Variants in GALNT13 observed in about 807,000 individuals in gnomAD.
GALNT13 encodes UDP-GalNAc:polypeptide N-acetylgalactosaminyltransferase 13.
GALNT13 carries 28 observed loss-of-function variants against 64.2 expected under a neutral mutation model. That is an observed-to-expected ratio of 0.44 (90% CI 0.32 to 0.60). GALNT13 has a LOEUF of 0.60. GALNT13 is among the 20% of genes least tolerant of loss of function. The pLI, the probability that GALNT13 is intolerant of heterozygous loss-of-function variation, is 0.05. For synonymous variants in GALNT13, 214 were observed against 224.6 expected, an observed-to-expected ratio of 0.95 and a Z score of 0.42; for missense variants, 577 against 669.8, an observed-to-expected ratio of 0.86 and a Z score of 1.53.
intron 7 of GALNT13, among the ~76,000 whole-genome samples, chr2:154,254,202 A>G (rs544276207): frequency 6.6e-6 from 1 of 152,300 alleles, no homozygotes; most frequent in Non-Finnish European, 1.5e-5. Flanking sequence ...CAAAAATGTA[A>G]AGCATTTACC....
Position 154,140,344 on chromosome 2 carries a change from T to G in GALNT13, c.150T>G (p.Ile50Met), listed in dbSNP as rs1258795166. ...TCTCTGTATGTCTTACAGCTGTTAT[T>G]TCAAGAAACCAAGAAGGGCCAGGAG... The part of the protein sequence containing the change: ...RSLLPALRAV[I>M]SRNQEGPGEM... The change falls in exon 4 of 13, where the codon ATT becomes ATG. Residue 50 changes from isoleucine to methionine, a missense_variant. Coordinates refer to ENST00000392825, the MANE Select transcript of GALNT13 (RefSeq NM_052917.4). The G allele has an allele frequency of 1.2e-6, 2 of 1,612,080 alleles. No homozygotes were observed. The highest frequency in any genetic ancestry group is 1.7e-6 in the Non-Finnish European group (2 of 1,178,518).
At chr2:153,885,922 G>A (rs1274965577) in intron 1 of GALNT13, among the ~76,000 whole-genome samples, 4 of 151,956 alleles carry the variant, frequency 2.6e-5, no homozygotes, top group Non-Finnish European at 5.9e-5. Flanking sequence ...ATATGTTCAT[G>A]CTTTAGCATT....
chr2:154,163,749 T>C (rs947128438), intron 4 of GALNT13, among the ~76,000 whole-genome samples: 12 of 152,192 alleles, frequency 7.9e-5, no homozygotes, highest in South Asian at 2.1e-4. Flanking sequence ...GGGAAGTTAG[T>C]AGAAATGGTG....
intron 9 of GALNT13, among the ~76,000 whole-genome samples, chr2:154,384,217 A>AT: frequency 1.3e-5 from 2 of 152,074 alleles, no homozygotes; most frequent in South Asian, 4.1e-4. Flanking sequence ...TTGGTTAAAT[A>AT]TAGAAAATAC....
intron 4 of GALNT13, among the ~76,000 whole-genome samples, chr2:154,192,436 C>G (rs1559016193): frequency 6.6e-6 from 1 of 152,144 alleles, no homozygotes; most frequent in South Asian, 2.1e-4. Flanking sequence ...TTCCCTGCCC[C>G]ACTCCTGTAT....
intron 4 of GALNT13, among the ~76,000 whole-genome samples, chr2:154,195,668 T>A (rs1391909204): frequency 1.3e-5 from 2 of 152,120 alleles, no homozygotes; most frequent in Admixed American, 6.6e-5. Flanking sequence ...ATATAGGAGC[T>A]CAGAGCTTCT....
chr2:153,175,014 GGTGTTT>G, the GALNT13 span, among the ~76,000 whole-genome samples: 1 of 151,894 alleles, frequency 6.6e-6, no homozygotes, highest in Non-Finnish European at 1.5e-5. Context: ...GATTACTCTG[GGTGTTT>G]GATCAAACAA....
At position 154,082,585 on chromosome 2, in the gene GALNT13, CT is replaced by C. The variant is rs369071673; in HGVS notation, c.143-57751del. 3.7e-4 allele frequency among the ~76,000 whole-genome samples: 56 copies of C among 151,690 alleles called. No individual in the cohort carries two copies. The South Asian group carries it at 0.011, about 30-fold the overall frequency. ...AAATATTTCATCGAATGAATACGTACTATTGTTGTTGAGCTTTCTGAGTTGG... is the reference window on the plus strand; with the variant it reads ...AAATATTTCATCGAATGAATACGTACATTGTTGTTGAGCTTTCTGAGTTGG... On this transcript the variant is annotated intron_variant, in intron 3 of 12. Transcript: ENST00000392825.
chr2:154,247,999 A>G (rs1486382936), intron 7 of GALNT13, among the ~76,000 whole-genome samples: 1 of 152,160 alleles, frequency 6.6e-6, no homozygotes, highest in Non-Finnish European at 1.5e-5. Context: ...TCTCACATTC[A>G]TACAAATAGA....
At chr2:154,156,749 C>T (rs1283053314) in intron 4 of GALNT13, among the ~76,000 whole-genome samples, 1 of 152,092 alleles carries the variant, frequency 6.6e-6, no homozygotes, top group Non-Finnish European at 1.5e-5. Flanking sequence ...AGTTACATTA[C>T]TAGGAACTTC....
chr2:153,313,732 T>C, the GALNT13 span, among the ~76,000 whole-genome samples: 1 of 152,206 alleles, frequency 6.6e-6, no homozygotes, highest in Non-Finnish European at 1.5e-5. Flanking sequence ...AGGATTGTTT[T>C]TGCTTAAATT....
intron 9 of GALNT13, among the ~76,000 whole-genome samples, chr2:154,344,436 TA>T (rs1695954517): frequency 1.1e-5 from 1 of 94,616 alleles, no homozygotes; most frequent in East Asian, 2.0e-4. Flanking sequence ...CACAAAGGAA[TA>T]AAATAAAACT....
At chr2:153,142,002 T>C in the GALNT13 span, among the ~76,000 whole-genome samples, 1 of 152,028 alleles carries the variant, frequency 6.6e-6, no homozygotes, top group African/African-American at 2.4e-5. Flanking sequence ...ATAGTAATAA[T>C]AAAGGCTACT....
intron 9 of GALNT13, among the ~76,000 whole-genome samples, chr2:154,302,226 G>T (rs1462073261): frequency 6.6e-6 from 1 of 151,860 alleles, no homozygotes; most frequent in Non-Finnish European, 1.5e-5. Context: ...TGGGTGGTGG[G>T]ATTATTAATG....
intron 8 of GALNT13, among the ~76,000 whole-genome samples, chr2:154,299,544 T>C (rs1368353783): frequency 6.8e-6 from 1 of 146,648 alleles, no homozygotes; most frequent in Non-Finnish European, 1.5e-5. Context: ...AACCTCCGCC[T>C]CCCGGGTTCA....
At chr2:154,251,876 G>A (rs765355417) in intron 7 of GALNT13, among the ~76,000 whole-genome samples, 10 of 151,658 alleles carry the variant, frequency 6.6e-5, no homozygotes, top group Non-Finnish European at 1.5e-4. Flanking sequence ...ATTTCCTTTG[G>A]GTTCCTAAAC....
At chr2:153,446,140 A>C in the GALNT13 span, among the ~76,000 whole-genome samples, 1 of 152,218 alleles carries the variant, frequency 6.6e-6, no homozygotes, top group Non-Finnish European at 1.5e-5. Context: ...ACTTGGGACT[A>C]TTGAGAGCAG....
chr2:153,878,347 T>A (rs1686538069), intron 1 of GALNT13, among the ~76,000 whole-genome samples: 1 of 152,300 alleles, frequency 6.6e-6, no homozygotes, highest in South Asian at 2.1e-4. Flanking sequence ...TGTGCTTGGA[T>A]GCCCATCTTA....
At chr2:153,132,687 C>CA in the GALNT13 span, among the ~76,000 whole-genome samples, 15 of 152,116 alleles carry the variant, frequency 9.9e-5, no homozygotes. Flanking sequence ...ACATTTCTCA[C>CA]AATGTTATAT....
Sources: allele counts gnomAD v4.1 joint callset (sites outside exome capture counted in the v4.1 genomes callset), GRCh38; gene constraint gnomAD v4.1.1; transcripts MANE v1.5; gene names NCBI Gene and HGNC (gene_info 2026-07-23, HGNC 2026-07-21).